The following SOS2 variants were observed in gnomAD, a reference collection of about 807,000 sequenced individuals.
The protein encoded by SOS2 is SOS Ras/Rho guanine nucleotide exchange factor 2.
In SOS2, 65 loss-of-function variants were observed where a neutral mutation model predicts 148.2. The ratio of observed to expected loss-of-function variants is 0.44; its 90% CI spans 0.36 to 0.54. The LOEUF (loss-of-function observed/expected upper bound fraction) is 0.54, where lower values mean the gene tolerates loss of function less well. Ranked by LOEUF, SOS2 falls within the 20% of genes least tolerant of loss-of-function variation. SOS2 has a pLI of 0.00. For synonymous variants in SOS2, 539 were observed against 537.1 expected (o/e 1.00, Z -0.05); for missense variants, 1,341 against 1,590.2 (o/e 0.84, Z 2.67).
At chr14:50,158,457 AAT>A (rs764280559) in intron 11 of SOS2, 106 bp downstream of exon 11, 53 of 636,516 alleles carry the variant, frequency 8.3e-5, no homozygotes, top group Non-Finnish European at 1.3e-4. Context: ...TGCCAAATAA[AAT>A]ATGTTCAATA....
intron 1 of SOS2, among the ~76,000 whole-genome samples, chr14:50,209,321 G>GTGTC (rs1179515891): frequency 1.3e-4 from 19 of 141,760 alleles, no homozygotes; most frequent in South Asian, 2.2e-4. Context: ...GTGTGTGTGT[G>GTGTC]TCTCCTATTG....
chr14:50,206,866 G>A (rs1886675396), intron 1 of SOS2, among the ~76,000 whole-genome samples: 1 of 152,078 alleles, frequency 6.6e-6, no homozygotes, highest in South Asian at 2.1e-4. Context: ...ACGTTGGAAT[G>A]CAGTAGTGCA....
At chr14:50,121,543 C>T (rs1883513622) in intron 21 of SOS2, among the ~76,000 whole-genome samples, 2 of 128,768 alleles carry the variant, frequency 1.6e-5, no homozygotes, top group Non-Finnish European at 3.2e-5. Flanking sequence ...GGGGGGGAGT[C>T]CTGTTGACTC....
At chr14:50,195,827 G>A (rs568304646) in intron 4 of SOS2, among the ~76,000 whole-genome samples, 4 of 151,572 alleles carry the variant, frequency 2.6e-5, no homozygotes, top group Admixed American at 2.0e-4. Context: ...TCAGGAGTTC[G>A]AGACCAGCCT....
intron 1 of SOS2, among the ~76,000 whole-genome samples, chr14:50,222,506 G>A (rs1421919426): frequency 1.3e-5 from 2 of 152,190 alleles, no homozygotes; most frequent in African/African-American, 4.8e-5. Flanking sequence ...GGAAGCAGGA[G>A]GATGTAGCAG....
chr14:50,219,256 C>A (rs777872815), intron 1 of SOS2, among the ~76,000 whole-genome samples: 3 of 151,886 alleles, frequency 2.0e-5, no homozygotes, highest in Non-Finnish European at 2.9e-5. Context: ...ATTTGAATAG[C>A]CAAGATCTGA....
chr14:50,120,332 CAG>C lies in SOS2; in HGVS notation c.3430_3431del (p.Leu1144AspfsTer12). Reference protein sequence around the residue: ...GSLHKLSEEPLIPPPLPPRKK... With the variant: ...GSLHKLSEEPXIPPPLPPRKK... ...TTCGAGGAGGAAGAGGAGGAGGAAT[CAG>C]GGGCTCTTCACTTAGTTTATGTAAA... On this transcript the variant is annotated frameshift_variant, in exon 22 of 23. Transcript: ENST00000216373. LOFTEE classifies it high-confidence loss of function. 6.2e-7 allele frequency: 1 copy of C among 1,609,244 alleles called. No homozygotes were observed. The highest frequency in any genetic ancestry group is 8.5e-7 in the Non-Finnish European group (1 of 1,176,952).
chr14:50,220,405 C>CGAAAAAAAAAAAAA (rs779813155), intron 1 of SOS2, among the ~76,000 whole-genome samples: 3 of 30,448 alleles, frequency 9.9e-5, no homozygotes, highest in Admixed American at 6.4e-4. Context: ...GACTCCATCT[C>CGAAAAAAAAAAAAA]AAAAAAAAAA....
rs1884215484 is a variant in SOS2 at position 50,139,952 on chromosome 14, C to G, written c.2775G>C (p.Val925=). The change falls in exon 17 of 23, where the codon GTG becomes GTC. Residue 925 remains valine, a synonymous_variant. Coordinates refer to ENST00000216373, the MANE Select transcript of SOS2 (RefSeq NM_006939.4). The stretch of plus-strand genomic sequence containing the variant: ...TATTTAGTAACTTACCAAAAAAAGG[C>G]ACACAAGGTGGATTGATTGACTTAA... The part of the protein sequence containing the change: ...VKLKSINPPC[V]PFFGIYLTNI... The G allele has an allele frequency of 6.5e-7, 1 of 1,541,474 alleles. No homozygotes were observed. Among genetic ancestry groups the G allele is most frequent in the Non-Finnish European group, 9.0e-7 (1 of 1,115,812 alleles).
At chr14:50,176,792 C>T (rs1566838770) in intron 7 of SOS2, among the ~76,000 whole-genome samples, 1 of 152,152 alleles carries the variant, frequency 6.6e-6, no homozygotes, top group Non-Finnish European at 1.5e-5. Flanking sequence ...GGAGGATTAC[C>T]TGAAGTCAAG....
At chr14:50,171,416 T>C (rs940990381) in intron 8 of SOS2, among the ~76,000 whole-genome samples, 2 of 152,000 alleles carry the variant, frequency 1.3e-5, no homozygotes, top group Non-Finnish European at 2.9e-5. Flanking sequence ...CCAGGCGCGG[T>C]GGCTCACCCC....
At chr14:50,135,662 T>C (rs1399276002) in intron 18 of SOS2, among the ~76,000 whole-genome samples, 1 of 145,110 alleles carries the variant, frequency 6.9e-6, no homozygotes. Context: ...TTTTTTTTTT[T>C]TTGAGATGGA....
chr14:50,220,405 C>CAAAA (rs367829144), intron 1 of SOS2, among the ~76,000 whole-genome samples: 1 of 30,446 alleles, frequency 3.3e-5, no homozygotes, highest in African/African-American at 1.4e-4. Flanking sequence ...GACTCCATCT[C>CAAAA]AAAAAAAAAA....
chr14:50,174,741 T>C (rs1885470435), intron 7 of SOS2, among the ~76,000 whole-genome samples, 189 bp from the exon 8 acceptor site: 1 of 152,230 alleles, frequency 6.6e-6, no homozygotes, highest in African/African-American at 2.4e-5. Flanking sequence ...CTTTAAGTTA[T>C]TAGAGAAATA....
At chr14:50,149,178 G>A (rs1199185935) in intron 14 of SOS2, among the ~76,000 whole-genome samples, 2 of 152,156 alleles carry the variant, frequency 1.3e-5, no homozygotes. Flanking sequence ...TTACAGGCAT[G>A]AGCCATCATA....
chr14:50,153,020 CAT>C, intron 13 of SOS2, 48 bp downstream of exon 13: 2 of 843,114 alleles, frequency 2.4e-6, no homozygotes, highest in Middle Eastern at 6.4e-4. Context: ...CAAATTTGAA[CAT>C]AAACTCATGT....
At chr14:50,133,919 A>G (rs942481640) in intron 19 of SOS2, among the ~76,000 whole-genome samples, 1 of 152,212 alleles carries the variant, frequency 6.6e-6, no homozygotes, top group South Asian at 2.1e-4. Context: ...AGACACATAA[A>G]TAAGTAGTAC....
At chr14:50,209,867 T>G (rs2139815745) in intron 1 of SOS2, among the ~76,000 whole-genome samples, 1 of 151,966 alleles carries the variant, frequency 6.6e-6, no homozygotes, top group African/African-American at 2.4e-5. Flanking sequence ...TTAAGAAAAA[T>G]TAAAGAGCTA....
Position 50,182,478 on chromosome 14 carries a change from A to G in SOS2, c.843T>C (p.Phe281=), listed in dbSNP as rs2139709667. 1.2e-6 allele frequency: 2 copies of G among 1,614,022 alleles called. No individual in the cohort carries two copies. Among genetic ancestry groups the G allele is most frequent in the South Asian group, 2.2e-5 (2 of 91,072 alleles). Residue 281 remains phenylalanine (F), a synonymous_variant, in exon 6 of 23, where the codon TTT becomes TTC. Transcript: ENST00000216373. The part of the protein sequence containing the change: ...SSPHPLAGSC[F]EDLAEEQAFD... ...GTAAACTTACTTCTGCCAAATCTTCAAAACAGCTGCCAGCTAAGGGATGAG... is the reference window on the plus strand; with the variant it reads ...GTAAACTTACTTCTGCCAAATCTTCGAAACAGCTGCCAGCTAAGGGATGAG...
Sources: gnomAD v4.1 joint callset for allele counts (sites outside exome capture counted in the v4.1 genomes callset) on GRCh38, gnomAD v4.1.1 for gene constraint, MANE v1.5 for transcripts, NCBI Gene and HGNC (gene_info 2026-07-23, HGNC 2026-07-21) for gene names.